RANBP3: variants seen among roughly 807,000 people sequenced by gnomAD.
RANBP3 encodes ran-binding protein 3.
In RANBP3, 14 loss-of-function variants were observed where a neutral mutation model predicts 77.3. The ratio of observed to expected loss-of-function variants is 0.18; its 90% CI spans 0.12 to 0.28. The LOEUF (loss-of-function observed/expected upper bound fraction) is 0.28, where lower values mean the gene tolerates loss of function less well. Among genes scored for constraint, RANBP3 ranks in the 10% least tolerant of loss-of-function variants. RANBP3 has a pLI of 1.00. For missense variants in RANBP3, 586 were observed against 752.3 expected (o/e 0.78, Z 2.59); for synonymous variants, 315 against 312.4 (o/e 1.01, Z -0.09).
At chr19:5,951,630 G>A (rs1243152410) in intron 2 of RANBP3, 34 bp from the exon 3 acceptor site, 1 of 1,582,260 alleles carries the variant, frequency 6.3e-7, no homozygotes, top group East Asian at 2.3e-5. Flanking sequence ...CCTTCAATGT[G>A]AATAAAGGCT....
At chr19:5,933,616 T>C (rs2058025406) in intron 5 of RANBP3, 137 bp from the exon 6 acceptor site, 2 of 618,694 alleles carry the variant, frequency 3.2e-6, no homozygotes, top group Non-Finnish European at 5.5e-6. Flanking sequence ...ATTTCCAAAT[T>C]ACAACAGAAG....
chr19:5,935,774 C>T (rs935075981), intron 5 of RANBP3: 1 of 456,754 alleles, frequency 2.2e-6, no homozygotes, highest in South Asian at 1.5e-5. Context: ...TCTGGAGGTC[C>T]CTGTCACAGG....
At position 5,917,075 on chromosome 19, in the gene RANBP3, T is replaced by G; in HGVS notation, c.*535A>C. The G allele has an allele frequency of 6.3e-6, 1 of 159,838 alleles. No homozygotes were observed. The highest frequency in any genetic ancestry group is 2.4e-5 in the African/African-American group (1 of 41,752). 9.9% of individuals were successfully genotyped at this position (159,838 alleles called of 1,614,324 possible). A position where few individuals can be genotyped will look rare whatever the true frequency, so the allele number is the denominator to read the frequency against. ...AGAGAGGGGAAGTGGGAAATGAAGATAGTAGTTAACAGCACGTCCAATGGG... is the reference window on the plus strand; with the variant it reads ...AGAGAGGGGAAGTGGGAAATGAAGAGAGTAGTTAACAGCACGTCCAATGGG... On this transcript the variant is annotated 3_prime_UTR_variant, in exon 17 of 17. Transcript: ENST00000340578.
At chr19:5,923,966 G>A in intron 11 of RANBP3, 52 bp from the exon 12 acceptor site, 2 of 1,416,388 alleles carry the variant, frequency 1.4e-6, no homozygotes, top group Non-Finnish European at 2.0e-6. Context: ...TGGTCCTTCA[G>A]CAGCAGCTCT....
At chr19:5,967,368 A>C (rs2058480134) in intron 1 of RANBP3, among the ~76,000 whole-genome samples, 1 of 152,094 alleles carries the variant, frequency 6.6e-6, no homozygotes, top group African/African-American at 2.4e-5. Context: ...CAACTACCGA[A>C]CTCCAAGCCA....
chr19:5,969,352 C>T (rs1325421894), intron 1 of RANBP3, among the ~76,000 whole-genome samples: 1 of 152,240 alleles, frequency 6.6e-6, no homozygotes, highest in Non-Finnish European at 1.5e-5. Flanking sequence ...TCCACTCACG[C>T]TCTGCTCTCA....
At chr19:5,923,992 T>TGGCCCCCAACACTACGC (rs1183977819) in intron 11 of RANBP3, 78 bp from the exon 12 acceptor site, 1 of 1,162,280 alleles carries the variant, frequency 8.6e-7, no homozygotes, top group African/African-American at 1.5e-5. Context: ...CCTCTCTGCC[T>TGGCCCCCAACACTACGC]GGCCCCCAAC....
intron 5 of RANBP3, chr19:5,934,509 T>C (rs970880982): frequency 6.6e-6 from 1 of 152,188 alleles, no homozygotes; most frequent in African/African-American, 2.4e-5. Context: ...AATAAAATAC[T>C]TGGGAATACA....
chr19:5,963,871 T>A (rs2058433016), intron 1 of RANBP3, among the ~76,000 whole-genome samples: 1 of 152,106 alleles, frequency 6.6e-6, no homozygotes, highest in African/African-American at 2.4e-5. Flanking sequence ...CCATCTAGCA[T>A]CCTCTACCCT....
At chr19:5,939,698 C>T (rs749506477) in intron 5 of RANBP3, among the ~76,000 whole-genome samples, 5 of 152,202 alleles carry the variant, frequency 3.3e-5, no homozygotes, top group Non-Finnish European at 7.3e-5. Context: ...TCACGTCCCA[C>T]GGGAGGAGAC....
chr19:5,934,876 A>G (rs1456529091), intron 5 of RANBP3, among the ~76,000 whole-genome samples: 1 of 152,164 alleles, frequency 6.6e-6, no homozygotes, highest in East Asian at 1.9e-4. Flanking sequence ...AAAGGTGTAA[A>G]TCAAAAGAAA....
At chr19:5,922,298 C>T (rs921509374) in intron 13 of RANBP3, among the ~76,000 whole-genome samples, 1 of 152,178 alleles carries the variant, frequency 6.6e-6, no homozygotes, top group Non-Finnish European at 1.5e-5. Context: ...TCCACATACC[C>T]CCTAAGTCAA....
At chr19:5,932,870 G>C in intron 6 of RANBP3, 1 of 376,938 alleles carries the variant, frequency 2.7e-6, no homozygotes, top group Non-Finnish European at 4.9e-6. Context: ...GCAGCTACCT[G>C]GAGGCTCAGG....
At chr19:5,928,313 C>T (rs2057940414) in intron 8 of RANBP3, 1 of 391,040 alleles carries the variant, frequency 2.6e-6, no homozygotes, top group Non-Finnish European at 4.5e-6. Flanking sequence ...AGAGCAAAAA[C>T]CTGTCTCCAA....
intron 1 of RANBP3, among the ~76,000 whole-genome samples, chr19:5,977,065 C>T (rs943251188): frequency 1.3e-5 from 2 of 152,230 alleles, no homozygotes; most frequent in African/African-American, 4.8e-5. Flanking sequence ...CCTAAATGCT[C>T]CACAAGACCA....
chr19:5,954,841 C>T (rs1363023656), intron 2 of RANBP3, among the ~76,000 whole-genome samples: 1 of 152,182 alleles, frequency 6.6e-6, no homozygotes, highest in Non-Finnish European at 1.5e-5. Context: ...CAAAGCCAGC[C>T]GCCCGCCCTG....
intron 5 of RANBP3, among the ~76,000 whole-genome samples, chr19:5,936,042 C>T (rs778657700): frequency 1.3e-5 from 2 of 152,244 alleles, no homozygotes; most frequent in African/African-American, 4.8e-5. Context: ...GGGTGCTTTT[C>T]GCCTGCCTCA....
intron 1 of RANBP3, among the ~76,000 whole-genome samples, chr19:5,973,939 A>C (rs539258571): frequency 7.9e-5 from 12 of 152,274 alleles, no homozygotes; most frequent in African/African-American, 2.9e-4. Flanking sequence ...AGCGGAGTTA[A>C]AACACAAACC....
At chr19:5,943,967 A>G (rs1363168751) in intron 3 of RANBP3, among the ~76,000 whole-genome samples, 1 of 152,214 alleles carries the variant, frequency 6.6e-6, no homozygotes, top group Admixed American at 6.5e-5. Flanking sequence ...TGCCTCTTGA[A>G]GGCCGGAAGA....
Sources: allele counts gnomAD v4.1 joint callset (sites outside exome capture counted in the v4.1 genomes callset), GRCh38; gene constraint gnomAD v4.1.1; transcripts MANE v1.5; gene names NCBI Gene and HGNC (gene_info 2026-07-23, HGNC 2026-07-21).